The following CABCOCO1 variants were observed in gnomAD, a reference collection of about 807,000 sequenced individuals.
CABCOCO1 encodes ciliary associated calcium binding coiled-coil 1, also known as ciliary-associated calcium-binding coiled-coil protein 1.
Under a neutral mutation model 35.7 loss-of-function variants are expected in CABCOCO1, and 28 were observed. The ratio of observed to expected loss-of-function variants is 0.78; its 90% CI spans 0.58 to 1.07. The LOEUF is 1.07. Ranked by LOEUF, CABCOCO1 falls within the 50% of genes least tolerant of loss-of-function variation. CABCOCO1 has a pLI of 0.00. For synonymous variants in CABCOCO1, 95 were observed against 100.1 expected (o/e 0.95, Z 0.30); for missense variants, 326 against 309.2 (o/e 1.05, Z -0.41).
chr10:61,740,871 G>C (rs747246573), intron 5 of CABCOCO1, among the ~76,000 whole-genome samples: 3 of 152,206 alleles, frequency 2.0e-5, no homozygotes. Flanking sequence ...AGAGGGCCGG[G>C]TGCAGTGGCT....
intron 5 of CABCOCO1, among the ~76,000 whole-genome samples, chr10:61,724,518 T>A (rs1033502218): frequency 2.0e-5 from 3 of 152,112 alleles, no homozygotes; most frequent in Non-Finnish European, 4.4e-5. Flanking sequence ...AATTAATGAT[T>A]GAAATATGGA....
chr10:61,759,893 C>CAAA (rs987008224), intron 5 of CABCOCO1, among the ~76,000 whole-genome samples, 166 bp from the exon 6 acceptor site: 3 of 151,918 alleles, frequency 2.0e-5, no homozygotes, highest in African/African-American at 7.3e-5. Flanking sequence ...AAATGGAGCT[C>CAAA]AAAAAGCACT....
At chr10:61,730,169 T>A (rs114758548) in intron 5 of CABCOCO1, among the ~76,000 whole-genome samples, 47 of 144,144 alleles carry the variant, frequency 3.3e-4, no homozygotes, top group African/African-American at 2.3e-4. Context: ...CATTGTCCAA[T>A]AAAAAAAAAA....
intron 5 of CABCOCO1, among the ~76,000 whole-genome samples, chr10:61,734,878 C>A (rs1200246756): frequency 1.3e-5 from 2 of 151,982 alleles, no homozygotes; most frequent in Non-Finnish European, 2.9e-5. Context: ...GTGTTCATTT[C>A]CTTTAGTAAA....
intron 2 of CABCOCO1, among the ~76,000 whole-genome samples, chr10:61,680,317 A>AATATATAT (rs1554821447): frequency 4.3e-5 from 6 of 140,494 alleles, no homozygotes; most frequent in Non-Finnish European, 9.1e-5. Flanking sequence ...TCTCAAAAAA[A>AATATATAT]ATATATATAT....
intron 5 of CABCOCO1, among the ~76,000 whole-genome samples, chr10:61,709,693 T>TAA (rs35028169): frequency 8.9e-5 from 13 of 145,760 alleles, no homozygotes; most frequent in Admixed American, 7.5e-4. Context: ...CCCTCAAATT[T>TAA]AAAAAAAAAA....
intron 2 of CABCOCO1, among the ~76,000 whole-genome samples, chr10:61,680,685 ATG>A (rs1839745759): frequency 3.8e-5 from 3 of 79,318 alleles, no homozygotes; most frequent in Non-Finnish European, 7.1e-5. Flanking sequence ...TATGTTATAC[ATG>A]TATAACATAT....
intron 7 of CABCOCO1, among the ~76,000 whole-genome samples, chr10:61,765,519 G>C (rs1842089895): frequency 6.6e-6 from 1 of 152,172 alleles, no homozygotes; most frequent in Non-Finnish European, 1.5e-5. Context: ...AGCTTCCTGG[G>C]ATCTCATTTA....
intron 5 of CABCOCO1, among the ~76,000 whole-genome samples, chr10:61,708,323 T>G (rs765805289): frequency 1.3e-5 from 2 of 151,960 alleles, no homozygotes; most frequent in African/African-American, 4.8e-5. Context: ...ACGTCTTCAT[T>G]TGTTGCCTTT....
At chr10:61,666,088 G>A (rs888011788) in intron 1 of CABCOCO1, among the ~76,000 whole-genome samples, 30 of 152,152 alleles carry the variant, frequency 2.0e-4, no homozygotes, top group African/African-American at 6.5e-4. Context: ...TATCAGGACA[G>A]GATGCTTACA....
In CABCOCO1 at chr10:61,738,772, C is replaced by G. The variant is rs193212649; in HGVS notation, c.553-21287C>G. Among the ~76,000 whole-genome samples the G allele has an allele frequency of 2.0e-3, 297 of 152,198 alleles. 3 individuals carry two copies. Among genetic ancestry groups the G allele is most frequent in the Non-Finnish European group, 2.8e-3 (189 of 67,998 alleles). On this transcript the variant is annotated intron_variant, in intron 5 of 7. Coordinates refer to ENST00000648843, the MANE Select transcript of CABCOCO1 (RefSeq NM_001366906.2). ...ACAGTAAAAACTATATTAAATCAAGCCCAAATAACTTTGAATTTCAAATAT... is the reference window on the plus strand; with the variant it reads ...ACAGTAAAAACTATATTAAATCAAGGCCAAATAACTTTGAATTTCAAATAT...
In CABCOCO1 at chr10:61,680,344, A is replaced by G. The variant is rs1217456063; in HGVS notation, c.165-799A>G. 4.3e-5 allele frequency among the ~76,000 whole-genome samples: 6 copies of G among 139,896 alleles called. No individual in the cohort carries two copies. In the East Asian group the frequency reaches 1.2e-3, roughly 28 times the overall value. The allele number at this position is 139,896 out of a possible 152,430, so 91.8% of individuals were successfully genotyped here. On this transcript the variant is annotated intron_variant, in intron 2 of 7. Transcript: ENST00000648843. ...TATATATATATATATTTATATACAT[A>G]TAACATATATAATATATATATTTAT...
chr10:61,738,051 AT>A (rs1183880171), intron 5 of CABCOCO1, among the ~76,000 whole-genome samples: 26 of 144,238 alleles, frequency 1.8e-4, no homozygotes, highest in Non-Finnish European at 3.0e-4. Flanking sequence ...AAAATATCTT[AT>A]TTAAAAAAAA....
At position 61,755,963 on chromosome 10, in the gene CABCOCO1, G is replaced by A. The variant is rs140486974; in HGVS notation, c.553-4096G>A. On this transcript the variant is annotated intron_variant, in intron 5 of 7. Coordinates refer to ENST00000648843, the MANE Select transcript of CABCOCO1 (RefSeq NM_001366906.2). ...TGACTCTGTACTTTGTTCCAAGAGA[G>A]TTCAAAATTCTTAGTGTTTATTCCC... 4.6e-3 allele frequency among the ~76,000 whole-genome samples: 707 copies of A among 152,096 alleles called. 9 individuals carry two copies. Among genetic ancestry groups the A allele is most frequent in the African/African-American group, 0.016 (657 of 41,534 alleles).
chr10:61,691,238 G>A (rs10821908), intron 5 of CABCOCO1, among the ~76,000 whole-genome samples: 117,332 of 152,084 alleles, frequency 0.77, 46,045 homozygotes, highest in Middle Eastern at 0.94. Flanking sequence ...GTGGGTTGAT[G>A]TAGTTACTAC....
Position 61,766,175 on chromosome 10 carries a change from A to C in CABCOCO1, c.*162A>C. 1 of 603,180 alleles carries C rather than the reference A, an allele frequency of 1.7e-6. No homozygotes were observed. Among genetic ancestry groups the C allele is most frequent in the South Asian group, 2.5e-5 (1 of 39,712 alleles). 37.4% of individuals were successfully genotyped at this position (603,180 alleles called of 1,614,324 possible). On this transcript the variant is annotated 3_prime_UTR_variant, in exon 8 of 8. Transcript: ENST00000648843. Reference sequence around the variant, plus strand: ...AGTAATTAGAAAAGTATTGGTCCCAATTTTGCTATCTCCCATCCCATAACA... The same window carrying C: ...AGTAATTAGAAAAGTATTGGTCCCACTTTTGCTATCTCCCATCCCATAACA...
rs187124683 is a variant in CABCOCO1 at position 61,691,576 on chromosome 10, G to T, written c.552+955G>T. Reference sequence around the variant, plus strand: ...TGTTACATAGGTATACACATGCCATGGTGGTTTGCTGCACCCATCAACCCG... The same window carrying T: ...TGTTACATAGGTATACACATGCCATTGTGGTTTGCTGCACCCATCAACCCG... On this transcript the variant is annotated intron_variant, in intron 5 of 7. Transcript: ENST00000648843. Among the ~76,000 whole-genome samples the T allele has an allele frequency of 1.8e-4, 27 of 152,154 alleles. No individual in the cohort carries two copies. The East Asian group carries it at 4.1e-3, about 23-fold the overall frequency.
chr10:61,752,530 A>T (rs897993983), intron 5 of CABCOCO1, among the ~76,000 whole-genome samples: 1 of 152,182 alleles, frequency 6.6e-6, no homozygotes, highest in Non-Finnish European at 1.5e-5. Context: ...GCTTTCTGCA[A>T]ATTTCTTTAG....
At chr10:61,671,935 A>G (rs1360506313) in intron 1 of CABCOCO1, among the ~76,000 whole-genome samples, 1 of 152,230 alleles carries the variant, frequency 6.6e-6, no homozygotes, top group Non-Finnish European at 1.5e-5. Flanking sequence ...CACTCAGTAC[A>G]TATTTGTTGA....
Sources: allele counts gnomAD v4.1 joint callset (sites outside exome capture counted in the v4.1 genomes callset), GRCh38; gene constraint gnomAD v4.1.1; transcripts MANE v1.5; gene names NCBI Gene and HGNC (gene_info 2026-07-23, HGNC 2026-07-21).